EYS: variants seen among roughly 807,000 people sequenced by gnomAD.
EYS encodes protein eyes shut homolog.
EYS carries 250 observed loss-of-function variants against 282.1 expected under a neutral mutation model. That is an observed-to-expected ratio of 0.89 (90% CI 0.80 to 0.98). The LOEUF (loss-of-function observed/expected upper bound fraction) is 0.98. Among genes scored for constraint, EYS ranks in the 50% least tolerant of loss-of-function variants. EYS has a pLI of 0.00. For synonymous variants in EYS, 1,355 were observed against 1,282.9 expected (o/e 1.06, Z -1.20); for missense variants, 4,016 against 3,709.0 (o/e 1.08, Z -2.15).
intron 5 of EYS, among the ~76,000 whole-genome samples, chr6:65,470,479 G>A (rs73741594): frequency 0.013 from 1,996 of 152,114 alleles, 41 homozygotes; most frequent in African/African-American, 0.045. Flanking sequence ...TGTCCTTGAT[G>A]CAGTCTTACC....
At chr6:65,239,586 A>G (rs977907714) in intron 12 of EYS, among the ~76,000 whole-genome samples, 20 of 152,122 alleles carry the variant, frequency 1.3e-4, no homozygotes, top group Non-Finnish European at 2.5e-4. Context: ...CAGATAAACA[A>G]GCAGATATAA....
chr6:64,318,827 A>T (rs140942578), intron 29 of EYS, among the ~76,000 whole-genome samples: 1,880 of 151,840 alleles, frequency 0.012, 20 homozygotes, highest in Non-Finnish European at 0.017. Flanking sequence ...AGATATTTTG[A>T]TACAGACTTA....
intron 26 of EYS, among the ~76,000 whole-genome samples, chr6:64,495,499 A>C (rs1289359382): frequency 6.6e-6 from 1 of 151,840 alleles, no homozygotes; most frequent in Admixed American, 6.6e-5. Context: ...TCCAGACCAG[A>C]ATAACTCTTA....
chr6:64,414,841 C>G lies in EYS; in HGVS notation c.5927+21333G>C, dbSNP rs572874470. Reference sequence around the variant, plus strand: ...ATAGGTAAATCCTCATTCTTCATAACAAAAAGTCAGTGATAATTTTGGAAA... The same window carrying G: ...ATAGGTAAATCCTCATTCTTCATAAGAAAAAGTCAGTGATAATTTTGGAAA... On this transcript the variant is annotated intron_variant, in intron 28 of 42. Transcript: ENST00000503581. Among the ~76,000 whole-genome samples, 8 of 152,000 alleles carry G rather than the reference C, an allele frequency of 5.3e-5. No homozygotes were observed. The South Asian group carries it at 1.7e-3, about 32-fold the overall frequency.
rs538737002 is a variant in EYS at position 65,442,606 on chromosome 6, T to G, written c.863-37239A>C. The stretch of plus-strand genomic sequence containing the variant: ...GTCTCTACTAAAACTATAAAAAAAT[T>G]AGCAGGGCTTAGTGGAGCATGCATA... On this transcript the variant is annotated intron_variant, in intron 5 of 42. Coordinates refer to ENST00000503581, the MANE Select transcript of EYS (RefSeq NM_001142800.2). Among the ~76,000 whole-genome samples, 42 of 151,724 alleles carry G rather than the reference T, an allele frequency of 2.8e-4. 1 individual carries two copies. The highest frequency in any genetic ancestry group is 1.0e-3 in the African/African-American group (42 of 41,434).
chr6:64,767,324 T>C (rs1485828968), intron 22 of EYS, among the ~76,000 whole-genome samples: 1 of 152,170 alleles, frequency 6.6e-6, no homozygotes, highest in East Asian at 1.9e-4. Context: ...AAGATATTAC[T>C]GCTAATTATA....
At chr6:64,445,099 T>C (rs1431218091) in intron 26 of EYS, among the ~76,000 whole-genome samples, 1 of 152,236 alleles carries the variant, frequency 6.6e-6, no homozygotes, top group Non-Finnish European at 1.5e-5. Flanking sequence ...TGCTTTTGTT[T>C]AAATGTGCTT....
chr6:64,450,601 T>G (rs2150476766), intron 26 of EYS, among the ~76,000 whole-genome samples: 1 of 152,244 alleles, frequency 6.6e-6, no homozygotes, highest in South Asian at 2.1e-4. Context: ...GACCACATAC[T>G]TGGAAGTAAA....
chr6:65,232,178 T>C (rs893782275), intron 12 of EYS, among the ~76,000 whole-genome samples: 1 of 152,062 alleles, frequency 6.6e-6, no homozygotes, highest in African/African-American at 2.4e-5. Flanking sequence ...CATATGTCTA[T>C]GTTTATGTCT....
intron 30 of EYS, among the ~76,000 whole-genome samples, chr6:64,256,631 C>T (rs868851581): frequency 1.3e-5 from 2 of 151,958 alleles, no homozygotes; most frequent in South Asian, 4.1e-4. Context: ...GTTCATCTGT[C>T]CTGTGGCAAA....
intron 2 of EYS, among the ~76,000 whole-genome samples, chr6:65,515,917 T>G (rs1203885211): frequency 6.6e-6 from 1 of 151,826 alleles, no homozygotes; most frequent in Admixed American, 6.6e-5. Context: ...ATTGTGCACA[T>G]GTACCCTAAA....
chr6:65,335,011 C>T lies in EYS; in HGVS notation c.1735G>A (p.Ala579Thr). The change falls in exon 11 of 43, where the codon GCT becomes ACT. Residue 579 changes from alanine (A) to threonine (T), a missense_variant. By Grantham distance (58) the Ala-to-Thr change is moderately conservative. Transcript: ENST00000503581. The part of the protein sequence containing the change: ...DDQENECQHE[A>T]VCKDEINRPR... ...CTATTAATTTCATCTTTACAAACAG[C>T]TTCATGTTGACACTCATTTTCTTGA... 1 of 1,610,670 alleles carries T rather than the reference C, an allele frequency of 6.2e-7. No homozygotes were observed. The highest frequency in any genetic ancestry group is 1.3e-5 in the African/African-American group (1 of 74,840).
intron 26 of EYS, among the ~76,000 whole-genome samples, chr6:64,495,934 C>A (rs961134394): frequency 1.3e-5 from 2 of 151,540 alleles, no homozygotes; most frequent in Admixed American, 1.3e-4. Context: ...AAACATATTA[C>A]CCTGAAAAAC....
chr6:64,028,952 A>T (rs1407708676), intron 33 of EYS, among the ~76,000 whole-genome samples: 1 of 152,166 alleles, frequency 6.6e-6, no homozygotes, highest in Non-Finnish European at 1.5e-5. Context: ...TACAGCCTAT[A>T]CTGGCTTATC....
chr6:65,047,386 T>C (rs1773136130), intron 13 of EYS, among the ~76,000 whole-genome samples: 1 of 151,870 alleles, frequency 6.6e-6, no homozygotes, highest in Admixed American at 6.6e-5. Flanking sequence ...GTCCAATTTA[T>C]TAATTTTTCC....
At chr6:64,269,691 A>T (rs1033804299) in intron 30 of EYS, among the ~76,000 whole-genome samples, 3 of 152,036 alleles carry the variant, frequency 2.0e-5, no homozygotes, top group Non-Finnish European at 4.4e-5. Flanking sequence ...TATTTTCCTT[A>T]ATTTTTGACA....
intron 11 of EYS, among the ~76,000 whole-genome samples, chr6:65,323,254 A>G (rs1208878664): frequency 6.9e-6 from 1 of 144,766 alleles, no homozygotes; most frequent in African/African-American, 2.6e-5. Flanking sequence ...TAAGACTCTC[A>G]TGATTCACTT....
intron 26 of EYS, among the ~76,000 whole-genome samples, chr6:64,486,519 A>G (rs537962032): frequency 6.6e-6 from 1 of 151,606 alleles, no homozygotes; most frequent in East Asian, 1.9e-4. Flanking sequence ...TAACATATTT[A>G]CTGCTAAGTA....
rs985066737 is a variant in EYS at position 64,156,046 on chromosome 6, GTGTGTGTA to G, written c.6425-74052_6425-74045del. On this transcript the variant is annotated intron_variant, in intron 31 of 42. Transcript: ENST00000503581. ...TATGTGTGTGTGTGTGTGTGTTTGT[GTGTGTGTA>G]TGTGTGTATTATATATATATATTAT... Among the ~76,000 whole-genome samples the G allele has an allele frequency of 4.7e-5, 7 of 149,584 alleles. No individual in the cohort carries two copies. The East Asian group carries it at 1.4e-3, about 29-fold the overall frequency.
Sources: gnomAD v4.1 joint callset for allele counts (sites outside exome capture counted in the v4.1 genomes callset) on GRCh38, gnomAD v4.1.1 for gene constraint, MANE v1.5 for transcripts, NCBI Gene and HGNC (gene_info 2026-07-23, HGNC 2026-07-21) for gene names.